Variants in SLCO5A1 observed in about 807,000 individuals in gnomAD.
SLCO5A1 encodes solute carrier organic anion transporter family member 5A1, also known as organic anion transporter polypeptide-related protein 4.
In SLCO5A1, 39 loss-of-function variants were observed where a neutral mutation model predicts 65.1. The ratio of observed to expected loss-of-function variants is 0.60; its 90% confidence interval spans 0.46 to 0.78. The LOEUF (loss-of-function observed/expected upper bound fraction) is 0.78. SLCO5A1 is among the 30% of genes least tolerant of loss of function. The probability of loss-of-function intolerance (pLI) is 0.00; values close to 1 mark genes in which losing one functional copy is unlikely to be tolerated. For synonymous variants in SLCO5A1, 438 were observed against 415.7 expected (o/e 1.05, Z -0.65); for missense variants, 1,029 against 1,069.4 (o/e 0.96, Z 0.53).
intron 3 of SLCO5A1, among the ~76,000 whole-genome samples, chr8:69,756,823 G>C (rs1372674853): frequency 6.6e-6 from 1 of 152,324 alleles, no homozygotes; most frequent in East Asian, 1.9e-4. Context: ...GCCCCGTGGG[G>C]CAATTTCTCA....
chr8:69,757,121 G>C (rs758670990), intron 3 of SLCO5A1, among the ~76,000 whole-genome samples: 8 of 152,174 alleles, frequency 5.3e-5, no homozygotes, highest in Non-Finnish European at 8.8e-5. Flanking sequence ...TCACAGTTGA[G>C]AGAATGATTC....
At chr8:69,815,218 G>C in intron 2 of SLCO5A1, among the ~76,000 whole-genome samples, 1 of 152,144 alleles carries the variant, frequency 6.6e-6, no homozygotes, top group East Asian at 1.9e-4. Flanking sequence ...GAGTTAATTA[G>C]TCTGCATTGT....
chr8:69,709,445 C>T (rs1336445697), intron 5 of SLCO5A1, among the ~76,000 whole-genome samples: 1 of 152,130 alleles, frequency 6.6e-6, no homozygotes, highest in African/African-American at 2.4e-5. Context: ...AGGATAAATC[C>T]GTGGGTGAGT....
Position 69,832,096 on chromosome 8 carries a change from C to T in SLCO5A1, c.578G>A (p.Arg193Gln). The T allele has an allele frequency of 1.2e-6, 2 of 1,613,862 alleles. No homozygotes were observed. Among genetic ancestry groups the T allele is most frequent in the Non-Finnish European group, 1.7e-6 (2 of 1,180,000 alleles). ...VFVSYFGGRG[R>Q]RPLWLAVGGL... is the part of the protein sequence containing the mutation. The stretch of plus-strand genomic sequence containing the variant: ...ACCCACGGCCAGCCACAGGGGCCGC[C>T]GACCCCGGCCGCCGAAGTAGCTGAC... Residue 193 changes from arginine (R) to glutamine (Q), a missense_variant, in exon 2 of 10, where the codon CGG becomes CAG. Transcript: ENST00000260126. The surrounding 1 kb of genome is among the most constrained non-coding windows in gnomAD (Gnocchi z 4.5).
chr8:69,738,922 G>T (rs1465379147), intron 4 of SLCO5A1, among the ~76,000 whole-genome samples: 2 of 152,138 alleles, frequency 1.3e-5, no homozygotes, highest in African/African-American at 2.4e-5. Context: ...GTGCTTCAAG[G>T]TATATGTGCA....
At chr8:69,678,022 G>T (rs980617890) in intron 8 of SLCO5A1, among the ~76,000 whole-genome samples, 11 of 152,204 alleles carry the variant, frequency 7.2e-5, no homozygotes, top group Middle Eastern at 3.4e-3. Context: ...TTTGTCCACT[G>T]CAGTCCTTAC....
Position 69,814,957 on chromosome 8 carries a change from A to G in SLCO5A1, c.907+16810T>C, listed in dbSNP as rs138267443. On this transcript the variant is annotated intron_variant, in intron 2 of 9. Coordinates refer to ENST00000260126, the MANE Select transcript of SLCO5A1 (RefSeq NM_030958.3). The stretch of plus-strand genomic sequence containing the variant: ...GAAATCATGTTCACTTGTGAAATCT[A>G]AAACAATCAAACTCATAGAAGCAGA... Among the ~76,000 whole-genome samples, 328 of 152,320 alleles carry G rather than the reference A, an allele frequency of 2.2e-3. 1 individual carries two copies. Among genetic ancestry groups the G allele is most frequent in the African/African-American group, 7.5e-3 (310 of 41,580 alleles).
chr8:69,808,663 T>C (rs1004145653), intron 2 of SLCO5A1, among the ~76,000 whole-genome samples: 4 of 152,260 alleles, frequency 2.6e-5, no homozygotes, highest in Non-Finnish European at 5.9e-5. Context: ...GAACAATTCA[T>C]ATTCTTTTGA....
chr8:69,796,106 G>C (rs114557485), intron 2 of SLCO5A1, among the ~76,000 whole-genome samples: 1,688 of 152,340 alleles, frequency 0.011, 30 homozygotes, highest in African/African-American at 0.037. Flanking sequence ...CTCTGGGCCT[G>C]TGATGGGAGG....
intron 2 of SLCO5A1, among the ~76,000 whole-genome samples, chr8:69,790,950 C>G (rs1157635364): frequency 1.3e-5 from 2 of 152,116 alleles, no homozygotes; most frequent in Non-Finnish European, 2.9e-5. Flanking sequence ...TTGAAGAGAA[C>G]AGAGAGCTGT....
At chr8:69,804,488 A>G (rs1819903035) in intron 2 of SLCO5A1, among the ~76,000 whole-genome samples, 1 of 151,814 alleles carries the variant, frequency 6.6e-6, no homozygotes, top group African/African-American at 2.4e-5. Context: ...ACTAATTTTT[A>G]TATTTTTAGT....
At chr8:69,767,748 G>C (rs1478121005) in intron 2 of SLCO5A1, among the ~76,000 whole-genome samples, 1 of 151,808 alleles carries the variant, frequency 6.6e-6, no homozygotes, top group Non-Finnish European at 1.5e-5. Flanking sequence ...AAATTAGTCA[G>C]GCATGGCGGC....
intron 7 of SLCO5A1, among the ~76,000 whole-genome samples, chr8:69,680,361 C>T (rs1378984890): frequency 6.6e-6 from 1 of 152,132 alleles, no homozygotes; most frequent in Admixed American, 6.5e-5. Flanking sequence ...GTTTAGCTCC[C>T]ACTTATAAGT....
At chr8:69,690,916 G>A (rs1814232969) in intron 6 of SLCO5A1, among the ~76,000 whole-genome samples, 2 of 152,156 alleles carry the variant, frequency 1.3e-5, no homozygotes, top group Non-Finnish European at 1.5e-5. Context: ...ATAAATGAAA[G>A]ATAGTCATAG....
intron 2 of SLCO5A1, among the ~76,000 whole-genome samples, chr8:69,781,410 G>T (rs1451076145): frequency 6.6e-6 from 1 of 152,108 alleles, no homozygotes; most frequent in Non-Finnish European, 1.5e-5. Flanking sequence ...GTTAGTCTTG[G>T]TACACTTTAA....
Position 69,832,989 on chromosome 8 carries a change from T to C in SLCO5A1, c.-316A>G. 2 of 354,956 alleles carry C rather than the reference T, an allele frequency of 5.6e-6. No individual in the cohort carries two copies. 22.0% of individuals were successfully genotyped at this position (354,956 alleles called of 1,614,324 possible). A position where few individuals can be genotyped will look rare whatever the true frequency, so the allele number is the denominator to read the frequency against. ...AGGCGCCTCGCGCGTCCCGGGCTCATCCCCTCCGCCGCCGCCGCCGCCGCC... is the reference window on the plus strand; with the variant it reads ...AGGCGCCTCGCGCGTCCCGGGCTCACCCCCTCCGCCGCCGCCGCCGCCGCC... On this transcript the variant is annotated 5_prime_UTR_variant, in exon 2 of 10. An upstream start codon of the reference 5' UTR is lost. Transcript: ENST00000260126. This position sits in a 1 kb window ranked among gnomAD's most constrained non-coding sequence, Gnocchi z 4.5.
chr8:69,794,405 C>G (rs1158174369), intron 2 of SLCO5A1: 1 of 447,414 alleles, frequency 2.2e-6, no homozygotes, highest in Non-Finnish European at 4.4e-6. Context: ...TAGACACCAT[C>G]AGGGTCCAAG....
chr8:69,682,288 C>G lies in SLCO5A1; in HGVS notation c.1678G>C (p.Gly560Arg). The change falls in exon 7 of 10, where the codon GGT becomes CGT. Residue 560 changes from glycine (G) to arginine (R), a missense_variant. Physicochemically the swap from Gly to Arg is moderately radical, Grantham distance 125. Around this residue, in one of 3 missense-constraint regions of SLCO5A1, gnomAD observed 124 missense variants for 184.5 expected, o/e 0.67. Transcript: ENST00000260126. ...NLTGSCNVNC[G>R]CKIHEYEPVC... ...GGCTCATACTCGTGTATTTTACAAC[C>G]ACAATTAACGTTGCAGCTTCCTGTC... 1 of 1,611,850 alleles carries G rather than the reference C, an allele frequency of 6.2e-7. No individual in the cohort carries two copies. Among genetic ancestry groups the G allele is most frequent in the East Asian group, 2.2e-5 (1 of 44,692 alleles).
chr8:69,697,186 C>T (rs1287189759), intron 6 of SLCO5A1, among the ~76,000 whole-genome samples: 2 of 152,240 alleles, frequency 1.3e-5, no homozygotes, highest in African/African-American at 4.8e-5. Flanking sequence ...TTCATTCACA[C>T]AACAAATATC....
Sources: gnomAD v4.1 joint callset for allele counts (sites outside exome capture counted in the v4.1 genomes callset) on GRCh38, gnomAD v4.1.1 for gene constraint, gnomAD v4.1.1 regional missense constraint, Gnocchi (gnomAD v3.1) non-coding constraint, MANE v1.5 for transcripts, NCBI Gene and HGNC (gene_info 2026-07-23, HGNC 2026-07-21) for gene names.